Variants in GALNT13 observed in about 807,000 individuals in gnomAD.
GALNT13 encodes the protein UDP-GalNAc:polypeptide N-acetylgalactosaminyltransferase 13.
In GALNT13, 28 loss-of-function variants were observed where a neutral mutation model predicts 64.2. The observed-to-expected ratio is 0.44, with a 90% CI of 0.32 to 0.60. GALNT13 has a LOEUF of 0.60. Among genes scored for constraint, GALNT13 ranks in the 20% least tolerant of loss-of-function variants. The pLI is 0.05. For synonymous variants in GALNT13, 214 were observed against 224.6 expected, an observed-to-expected ratio of 0.95 and a Z score of 0.42; for missense variants, 577 against 669.8, an observed-to-expected ratio of 0.86 and a Z score of 1.53.
chr2:153,537,282 A>G, the GALNT13 span, among the ~76,000 whole-genome samples: 1 of 152,180 alleles, frequency 6.6e-6, no homozygotes, highest in East Asian at 1.9e-4. Flanking sequence ...AAAACAGGTT[A>G]CAGTTGGGTT....
the GALNT13 span, among the ~76,000 whole-genome samples, chr2:153,408,657 T>G: frequency 6.7e-6 from 1 of 150,150 alleles, no homozygotes; most frequent in Middle Eastern, 3.2e-3. Flanking sequence ...TTTTTGTTTT[T>G]GTTTTTGTTT....
At chr2:153,720,621 C>A in the GALNT13 span, among the ~76,000 whole-genome samples, 2 of 151,514 alleles carry the variant, frequency 1.3e-5, no homozygotes, top group Non-Finnish European at 2.9e-5. Flanking sequence ...CTTAAAGGAG[C>A]TGATCGAGCT....
chr2:153,838,614 T>G, the GALNT13 span, among the ~76,000 whole-genome samples: 1 of 151,928 alleles, frequency 6.6e-6, no homozygotes, highest in African/African-American at 2.4e-5. Context: ...AATTCTACTC[T>G]ATTGGTGCAA....
the GALNT13 span, among the ~76,000 whole-genome samples, chr2:153,587,731 C>G: frequency 3.9e-5 from 6 of 152,210 alleles, no homozygotes; most frequent in Non-Finnish European, 7.3e-5. Context: ...CCTCCCATAT[C>G]TCATGTCTTC....
intron 3 of GALNT13, among the ~76,000 whole-genome samples, chr2:154,025,639 T>C (rs999675022): frequency 6.6e-6 from 1 of 152,222 alleles, no homozygotes; most frequent in Non-Finnish European, 1.5e-5. Flanking sequence ...GTAGCTTCAT[T>C]AGTGCTATGA....
the GALNT13 span, among the ~76,000 whole-genome samples, chr2:153,457,801 T>G: frequency 3.3e-5 from 5 of 152,244 alleles, no homozygotes; most frequent in Non-Finnish European, 7.3e-5. Context: ...TTAGGCATTT[T>G]CAGCTGTTTC....
At chr2:153,123,712 A>C in the GALNT13 span, among the ~76,000 whole-genome samples, 1 of 152,246 alleles carries the variant, frequency 6.6e-6, no homozygotes, top group African/African-American at 2.4e-5. Context: ...TAATGCCTTT[A>C]ATGTTAGCCA....
At chr2:153,241,802 C>T in the GALNT13 span, among the ~76,000 whole-genome samples, 1 of 151,844 alleles carries the variant, frequency 6.6e-6, no homozygotes, top group Non-Finnish European at 1.5e-5. Flanking sequence ...CCCTCTCCCC[C>T]TTATAGAAAG....
At chr2:153,108,917 T>C in the GALNT13 span, among the ~76,000 whole-genome samples, 10 of 151,772 alleles carry the variant, frequency 6.6e-5, no homozygotes, top group Non-Finnish European at 1.2e-4. Context: ...TATGTGGGAG[T>C]TGCAATTTGG....
At chr2:154,082,478 C>T (rs1424674) in intron 3 of GALNT13, among the ~76,000 whole-genome samples, 150,160 of 151,740 alleles carry the variant, frequency 0.99, 74,302 homozygotes, top group East Asian at 1. Context: ...AATGCTTGTG[C>T]TTTGGGCATA....
intron 9 of GALNT13, among the ~76,000 whole-genome samples, chr2:154,346,306 AT>A (rs1270417742): frequency 2.0e-5 from 3 of 152,054 alleles, no homozygotes. Flanking sequence ...AACAAATATA[AT>A]TACTGTCAAC....
At chr2:153,656,460 G>A in the GALNT13 span, among the ~76,000 whole-genome samples, 1 of 152,004 alleles carries the variant, frequency 6.6e-6, no homozygotes, top group Admixed American at 6.6e-5. Flanking sequence ...AGTCGCCTGA[G>A]AATAGAGACT....
At chr2:153,358,026 C>T in the GALNT13 span, among the ~76,000 whole-genome samples, 4 of 152,068 alleles carry the variant, frequency 2.6e-5, no homozygotes, top group African/African-American at 7.2e-5. Flanking sequence ...TTCATATGAA[C>T]CGAGAAATGA....
At chr2:154,040,200 CAT>C (rs1698898434) in intron 3 of GALNT13, among the ~76,000 whole-genome samples, 1 of 140,468 alleles carries the variant, frequency 7.1e-6, no homozygotes, top group South Asian at 2.3e-4. Context: ...CACACATGCA[CAT>C]GTGTATTTTG....
the GALNT13 span, among the ~76,000 whole-genome samples, chr2:153,114,635 T>C: frequency 6.6e-6 from 1 of 152,060 alleles, no homozygotes; most frequent in Admixed American, 6.6e-5. Context: ...AGGAAGGAGA[T>C]AACAGTTGAA....
At chr2:154,446,550 AT>A (rs35493237) in intron 12 of GALNT13, 1 of 1,518,642 alleles carries the variant, frequency 6.6e-7, no homozygotes. Flanking sequence ...ATTATTCGTT[AT>A]TTTCTTTGTC....
chr2:154,160,425 C>G (rs759030789), intron 4 of GALNT13, among the ~76,000 whole-genome samples: 13 of 152,128 alleles, frequency 8.5e-5, no homozygotes, highest in Non-Finnish European at 2.9e-5. Context: ...TGCAATAATT[C>G]TTACCATATC....
the GALNT13 span, among the ~76,000 whole-genome samples, chr2:153,824,105 AG>A: frequency 1.1e-4 from 17 of 152,230 alleles, no homozygotes; most frequent in Admixed American, 1.1e-3. Flanking sequence ...GTTATTAAAA[AG>A]CCATAAACAA....
chr2:153,689,057 A>G, the GALNT13 span, among the ~76,000 whole-genome samples: 3 of 108,322 alleles, frequency 2.8e-5, no homozygotes, highest in Admixed American at 9.1e-5. Context: ...AGATATTGCT[A>G]AACCGCGTGT....
Sources: gnomAD v4.1 joint callset for allele counts (sites outside exome capture counted in the v4.1 genomes callset) on GRCh38, gnomAD v4.1.1 for gene constraint, MANE v1.5 for transcripts, NCBI Gene and HGNC (gene_info 2026-07-23, HGNC 2026-07-21) for gene names.